DLGAP4: variants seen among roughly 807,000 people sequenced by gnomAD.
DLGAP4 encodes DLG associated protein 4.
A neutral mutation model predicts 86.9 loss-of-function variants in DLGAP4; 18 were observed. That is an observed-to-expected ratio of 0.21 (90% CI 0.14 to 0.31). The LOEUF is 0.31. Ranked by LOEUF, DLGAP4 falls within the 10% of genes least tolerant of loss-of-function variation. The pLI is 1.00. For synonymous variants in DLGAP4, 548 were observed against 574.3 expected, an observed-to-expected ratio of 0.95 and a Z score of 0.65; for missense variants, 1,085 against 1,362.6, an observed-to-expected ratio of 0.80 and a Z score of 3.21.
intron 7 of DLGAP4, among the ~76,000 whole-genome samples, chr20:36,459,746 TAC>T (rs1189118006): frequency 6.6e-6 from 1 of 152,236 alleles, no homozygotes; most frequent in Admixed American, 6.5e-5. Flanking sequence ...TAGCTGAGAT[TAC>T]AGACATGTGC....
At position 36,527,235 on chromosome 20, in the gene DLGAP4, A is replaced by G; in HGVS notation, c.*204A>G. ...AGGTTATGAAGATTTTACTCACAAA[A>G]AAAATCAACAAAAATCACGAAACTA... On this transcript the variant is annotated 3_prime_UTR_variant, in exon 13 of 13. Coordinates refer to ENST00000339266, the MANE Select transcript of DLGAP4 (RefSeq NM_001365621.2). 2.1e-6 allele frequency: 1 copy of G among 471,188 alleles called. No individual in the cohort carries two copies. Among genetic ancestry groups the G allele is most frequent in the Non-Finnish European group, 3.7e-6 (1 of 270,344 alleles). The allele number at this position is 471,188 out of a possible 1,614,324, so 29.2% of individuals were successfully genotyped here. A position where few individuals can be genotyped will look rare whatever the true frequency, so the allele number is the denominator to read the frequency against.
rs780908844 is a variant in DLGAP4 at position 36,527,066 on chromosome 20, T to C, written c.*35T>C. The stretch of plus-strand genomic sequence containing the variant: ...GGAGGAAAGAAACGATTTTAAATCA[T>C]TAAAAACACAAAAACTAAGTGCGAA... On this transcript the variant is annotated 3_prime_UTR_variant, in exon 13 of 13. Coordinates refer to ENST00000339266, the MANE Select transcript of DLGAP4 (RefSeq NM_001365621.2). 2 of 1,557,402 alleles carry C rather than the reference T, an allele frequency of 1.3e-6. No individual in the cohort carries two copies. The highest frequency in any genetic ancestry group is 2.3e-5 in the South Asian group (2 of 87,098).
At chr20:36,409,448 G>A (rs1420424515) in intron 2 of DLGAP4, among the ~76,000 whole-genome samples, 1 of 145,184 alleles carries the variant, frequency 6.9e-6, no homozygotes, top group Non-Finnish European at 1.5e-5. Context: ...AAGAAACATA[G>A]GCTGTGTGCA....
chr20:36,350,004 C>T lies in DLGAP4; in HGVS notation c.-303-17041C>T, dbSNP rs906350243. 2.0e-5 allele frequency among the ~76,000 whole-genome samples: 3 copies of T among 152,156 alleles called. No homozygotes were observed. Among genetic ancestry groups the T allele is most frequent in the South Asian group, 2.1e-4 (1 of 4,834 alleles). Reference sequence around the variant, plus strand: ...CCATCAGGCACAGCTGTGCTGATGCCGGCCCCTCATCCCCACAGGCTCCCA... The same window carrying T: ...CCATCAGGCACAGCTGTGCTGATGCTGGCCCCTCATCCCCACAGGCTCCCA... On this transcript the variant is annotated intron_variant, in intron 1 of 12. Transcript: ENST00000339266. The surrounding 1 kb of genome is among the most constrained non-coding windows in gnomAD (Gnocchi z 4.4).
rs147940517 is a variant in DLGAP4, at chr20:36,463,098, G to T, written c.1648+16161G>T. On this transcript the variant is annotated intron_variant, in intron 7 of 12. Transcript: ENST00000339266. The stretch of plus-strand genomic sequence containing the variant: ...CACCAGAGTGGGCAAGTGAACAAAG[G>T]TCTGTGCTGCCTGGATCTTGCTGAG... 2.4e-4 allele frequency among the ~76,000 whole-genome samples: 37 copies of T among 152,290 alleles called. No homozygotes were observed. In the East Asian group the frequency reaches 6.2e-3, roughly 25 times the overall value.
chr20:36,351,778 G>A (rs1262082392), intron 1 of DLGAP4, among the ~76,000 whole-genome samples: 1 of 152,018 alleles, frequency 6.6e-6, no homozygotes, highest in Non-Finnish European at 1.5e-5. Flanking sequence ...TGATTTGTTC[G>A]ATGGATATTT....
intron 7 of DLGAP4, among the ~76,000 whole-genome samples, chr20:36,467,545 T>C (rs1481679398): frequency 6.6e-6 from 1 of 152,166 alleles, no homozygotes; most frequent in Non-Finnish European, 1.5e-5. Context: ...TGGAAGACTT[T>C]CCAGAGGATG....
chr20:36,366,007 G>A (rs1169583135), intron 1 of DLGAP4, among the ~76,000 whole-genome samples: 1 of 152,192 alleles, frequency 6.6e-6, no homozygotes, highest in Non-Finnish European at 1.5e-5. Flanking sequence ...AGGGGAGGGT[G>A]TTCCACTGAG....
chr20:36,474,147 A>C (rs879915125), intron 7 of DLGAP4, among the ~76,000 whole-genome samples: 5 of 152,248 alleles, frequency 3.3e-5, no homozygotes, highest in Non-Finnish European at 7.3e-5. Context: ...ACTGACATCC[A>C]GGGGGAAAGA....
At chr20:36,315,035 T>TG (rs2065084538) in intron 1 of DLGAP4, among the ~76,000 whole-genome samples, 3 of 2,834 alleles carry the variant, frequency 1.1e-3, no homozygotes, top group East Asian at 0.014. Flanking sequence ...GTGAGATGTG[T>TG]GTGTGGTGTG....
At chr20:36,491,933 G>C (rs2035682369) in intron 7 of DLGAP4, among the ~76,000 whole-genome samples, 1 of 152,208 alleles carries the variant, frequency 6.6e-6, no homozygotes, top group Non-Finnish European at 1.5e-5. Context: ...ATTGCCCCAG[G>C]CCTGTAGCTG....
At chr20:36,477,106 C>CTTT (rs113443321) in intron 7 of DLGAP4, among the ~76,000 whole-genome samples, 2 of 143,432 alleles carry the variant, frequency 1.4e-5, no homozygotes, top group African/African-American at 5.1e-5. Context: ...TCTCTTTTTT[C>CTTT]TTTTTTTTTT....
intron 12 of DLGAP4, among the ~76,000 whole-genome samples, chr20:36,526,580 C>T (rs1040763768): frequency 1.3e-5 from 2 of 152,096 alleles, no homozygotes; most frequent in Non-Finnish European, 2.9e-5. Flanking sequence ...TGCCCGTCCC[C>T]GCTGCTCGAG....
At chr20:36,507,612 A>G (rs561495274) in intron 10 of DLGAP4, 3 of 152,410 alleles carry the variant, frequency 2.0e-5, no homozygotes, top group Admixed American at 1.3e-4. Flanking sequence ...GCCTCAGAGA[A>G]TATCTACAGG....
At chr20:36,404,172 G>C (rs538466435) in intron 2 of DLGAP4, among the ~76,000 whole-genome samples, 6 of 152,184 alleles carry the variant, frequency 3.9e-5, no homozygotes, top group Non-Finnish European at 7.3e-5. Context: ...AATCTTGACT[G>C]TACCTTCCAG....
intron 2 of DLGAP4, among the ~76,000 whole-genome samples, chr20:36,378,613 C>G (rs2031251662): frequency 6.6e-6 from 1 of 151,912 alleles, no homozygotes; most frequent in Non-Finnish European, 1.5e-5. Context: ...TCCATACACA[C>G]AGACACACGC....
intron 1 of DLGAP4, among the ~76,000 whole-genome samples, chr20:36,311,236 G>T (rs1009069384): frequency 1.3e-5 from 2 of 151,612 alleles, no homozygotes; most frequent in Non-Finnish European, 2.9e-5. Context: ...CGGAGGGTGG[G>T]GGGGGTGGAC....
intron 2 of DLGAP4, among the ~76,000 whole-genome samples, chr20:36,394,225 G>A (rs2031873084): frequency 6.6e-6 from 1 of 152,128 alleles, no homozygotes; most frequent in South Asian, 2.1e-4. Flanking sequence ...CAGGCTCCAG[G>A]GGCTGCTGTC....
intron 7 of DLGAP4, among the ~76,000 whole-genome samples, chr20:36,473,469 C>T (rs1440557277): frequency 6.6e-6 from 1 of 152,140 alleles, no homozygotes; most frequent in East Asian, 1.9e-4. Flanking sequence ...GAGAGAGTAT[C>T]GTAACACCCA....
Sources: gnomAD v4.1 joint callset for allele counts (sites outside exome capture counted in the v4.1 genomes callset) on GRCh38, gnomAD v4.1.1 for gene constraint, Gnocchi (gnomAD v3.1) non-coding constraint, MANE v1.5 for transcripts, NCBI Gene and HGNC (gene_info 2026-07-23, HGNC 2026-07-21) for gene names.